TMEM43: variants seen among roughly 807,000 people sequenced by gnomAD.
TMEM43 encodes transmembrane protein 43, also known as arrhythmogenic right ventricular dysplasia 5.
In TMEM43, 45 loss-of-function variants were observed where a neutral mutation model predicts 49.6. That is an observed-to-expected ratio of 0.91 (90% CI 0.71 to 1.16). The LOEUF (loss-of-function observed/expected upper bound fraction) is 1.16, where lower values mean the gene tolerates loss of function less well. Ranked by LOEUF, TMEM43 falls within the 50% of genes most tolerant of loss-of-function variation. The pLI is 0.00. For synonymous variants in TMEM43, 199 were observed against 207.8 expected (o/e 0.96, Z 0.36); for missense variants, 532 against 516.6 (o/e 1.03, Z -0.29).
At position 14,139,375 on chromosome 3, in the gene TMEM43, C is replaced by T. The variant is rs1306313771; in HGVS notation, c.1000+78C>T. 7.7e-6 allele frequency: 8 copies of T among 1,038,498 alleles called. No homozygotes were observed. The South Asian group carries it at 1.0e-4, about 13-fold the overall frequency. 64.3% of individuals were successfully genotyped at this position (1,038,498 alleles called of 1,614,324 possible). ...CTCTGCCTGTCGCATCATCTCAGCCCTTCCAGCCTGATGGGATGGCCCTTG... is the reference window on the plus strand; with the variant it reads ...CTCTGCCTGTCGCATCATCTCAGCCTTTCCAGCCTGATGGGATGGCCCTTG... On this transcript the variant is annotated intron_variant, in intron 11 of 11. Coordinates refer to ENST00000306077, the MANE Select transcript of TMEM43 (RefSeq NM_024334.3).
chr3:14,134,935 G>A (rs374498581), intron 8 of TMEM43, 44 bp downstream of exon 8: 38 of 1,613,128 alleles, frequency 2.4e-5, no homozygotes, highest in African/African-American at 5.3e-5. Flanking sequence ...GGGTCAGGGC[G>A]CTAGGATCAG....
At chr3:14,135,736 T>A in intron 9 of TMEM43, 71 bp from the exon 10 acceptor site, 16 of 1,345,542 alleles carry the variant, frequency 1.2e-5, no homozygotes, top group Non-Finnish European at 1.7e-5. Flanking sequence ...CCCGGGAGGG[T>A]GGGCCATGGC....
Position 14,130,832 on chromosome 3 carries a change from T to C in TMEM43, c.173T>C (p.Leu58Ser). The C allele has an allele frequency of 6.2e-7, 1 of 1,613,878 alleles. No individual in the cohort carries two copies. Among genetic ancestry groups the C allele is most frequent in the African/African-American group, 1.3e-5 (1 of 75,040 alleles). The stretch of plus-strand genomic sequence containing the variant: ...CCCCTTTGCTCCCAGGGCCGCGCAT[T>C]GAAGACGGCAACCTCATTGGCTGAG... ...YLIFTNEGRA[L>S]KTATSLAEGL... is the part of the protein sequence containing the mutation. The change falls in exon 3 of 12, where the codon TTG becomes TCG. Residue 58 changes from leucine to serine, a missense_variant. Physicochemically the swap from Leu to Ser is moderately radical, Grantham distance 145. Transcript: ENST00000306077.
At chr3:14,131,699 G>T in intron 4 of TMEM43, 25 bp downstream of exon 4, 3 of 1,570,980 alleles carry the variant, frequency 1.9e-6, no homozygotes, top group Non-Finnish European at 2.6e-6. Flanking sequence ...TGAAAACTCT[G>T]TTGGGGTAAA....
At chr3:14,131,740 A>T (rs1053014241) in intron 4 of TMEM43, 66 bp downstream of exon 4, 1 of 1,155,606 alleles carries the variant, frequency 8.7e-7, no homozygotes. Flanking sequence ...TCAGGATAAC[A>T]TGCAGATGTC....
At chr3:14,125,512 A>G (rs1695007011) in intron 1 of TMEM43, among the ~76,000 whole-genome samples, 5 of 151,994 alleles carry the variant, frequency 3.3e-5, no homozygotes, top group Non-Finnish European at 7.4e-5. Context: ...CCCTCCTTGC[A>G]TTCCCAGTTC....
chr3:14,133,588 G>T, intron 6 of TMEM43, 151 bp from the exon 7 acceptor site: 1 of 773,340 alleles, frequency 1.3e-6, no homozygotes, highest in Non-Finnish European at 2.3e-6. Flanking sequence ...GGGCCCCTGG[G>T]GGTGGACAGG....
In TMEM43 at chr3:14,133,641, A is replaced by AC. The variant is rs1695127733; in HGVS notation, c.513-93dup. 3 of 1,105,228 alleles carry AC rather than the reference A, an allele frequency of 2.7e-6. No individual in the cohort carries two copies. In the Admixed American group the frequency reaches 5.1e-5, roughly 19 times the overall value. 68.5% of individuals were successfully genotyped at this position (1,105,228 alleles called of 1,614,324 possible). Reference sequence around the variant, plus strand: ...CCTGGGCTAATCTGGACTTGCAGGAACCCCCGGGTGGGGACCCTGCCCAGC... The same window carrying AC: ...CCTGGGCTAATCTGGACTTGCAGGAACCCCCCGGGTGGGGACCCTGCCCAGC... On this transcript the variant is annotated intron_variant, in intron 6 of 11. Coordinates refer to ENST00000306077, the MANE Select transcript of TMEM43 (RefSeq NM_024334.3).
At chr3:14,139,578 A>ATTTGCTCATTCC (rs1325611014) in intron 11 of TMEM43, among the ~76,000 whole-genome samples, 3 of 152,104 alleles carry the variant, frequency 2.0e-5, no homozygotes, top group Non-Finnish European at 4.4e-5. Flanking sequence ...TGGCTCGATC[A>ATTTGCTCATTCC]TTTGCTCATT....
rs753740877 is a variant in TMEM43 at position 14,133,767 on chromosome 3, A to G, written c.541A>G (p.Thr181Ala). Residue 181 changes from threonine to alanine, a missense_variant, in exon 7 of 12, where the codon ACA (threonine) becomes GCA (alanine). By Grantham distance (58) the Thr-to-Ala change is moderately conservative (BLOSUM62 0). Transcript: ENST00000306077. ...SAMAVESFMA[T>A]APFVQIGRFF... The stretch of plus-strand genomic sequence containing the variant: ...CATGGCAGTGGAGTCATTCATGGCA[A>G]CAGCCCCCTTTGTCCAAATTGGCAG... The G allele has an allele frequency of 2.5e-6, 4 of 1,614,070 alleles. No individual in the cohort carries two copies. The highest frequency in any genetic ancestry group is 1.3e-5 in the African/African-American group (1 of 74,934).
In TMEM43 at chr3:14,134,794, TC is replaced by T. The variant is rs1313993263; in HGVS notation, c.609del (p.Phe203LeufsTer4). ...SSGLIDKVDN[F>X]KSLSLSKLED... ...GGCCTCATCGACAAAGTCGACAACTTCAAGTCCCTGAGCCTATCCAAGCTGG... is the reference window on the plus strand; with the variant it reads ...GGCCTCATCGACAAAGTCGACAACTTAAGTCCCTGAGCCTATCCAAGCTGG... On this transcript the variant is annotated frameshift_variant, in exon 8 of 12. Coordinates refer to ENST00000306077, the MANE Select transcript of TMEM43 (RefSeq NM_024334.3). LOFTEE classifies it high-confidence loss of function. The T allele has an allele frequency of 6.2e-7, 1 of 1,614,084 alleles. No individual in the cohort carries two copies. Among genetic ancestry groups the T allele is most frequent in the South Asian group, 1.1e-5 (1 of 91,082 alleles).
At chr3:14,128,799 A>T in intron 1 of TMEM43, 1 of 313,706 alleles carries the variant, frequency 3.2e-6, no homozygotes, top group Admixed American at 4.1e-5. Flanking sequence ...AAATGAAAGC[A>T]CATGTCTGCA....
At chr3:14,130,150 T>G (rs1245663406) in intron 2 of TMEM43, among the ~76,000 whole-genome samples, 1 of 151,960 alleles carries the variant, frequency 6.6e-6, no homozygotes, top group Non-Finnish European at 1.5e-5. Flanking sequence ...TAGGGCCTCA[T>G]GATGCAACAG....
intron 2 of TMEM43, 103 bp from the exon 3 acceptor site, chr3:14,130,719 C>A: frequency 6.9e-7 from 1 of 1,450,244 alleles, no homozygotes; most frequent in East Asian, 2.4e-5. Flanking sequence ...AGATGGGTCT[C>A]AGCGCTCCCG....
chr3:14,126,320 C>T (rs112461777), intron 1 of TMEM43, among the ~76,000 whole-genome samples: 1 of 152,180 alleles, frequency 6.6e-6, no homozygotes, highest in Non-Finnish European at 1.5e-5. Flanking sequence ...GTCAGGAGAC[C>T]AGCCTGTCTG....
intron 1 of TMEM43, among the ~76,000 whole-genome samples, chr3:14,126,289 G>C (rs1238705252): frequency 6.6e-6 from 1 of 152,218 alleles, no homozygotes; most frequent in Non-Finnish European, 1.5e-5. Context: ...AGAGACTCAG[G>C]CTCGGCCAGG....
chr3:14,139,533 G>T (rs1574941318), intron 11 of TMEM43, among the ~76,000 whole-genome samples: 1 of 152,328 alleles, frequency 6.6e-6, no homozygotes, highest in East Asian at 1.9e-4. Context: ...TGGGGCACTG[G>T]TCTCACTCCA....
intron 9 of TMEM43, among the ~76,000 whole-genome samples, chr3:14,135,585 G>A (rs564344055): frequency 3.3e-5 from 5 of 152,310 alleles, no homozygotes; most frequent in South Asian, 4.1e-4. Context: ...CCTGCTCTGC[G>A]CACTGCCCAA....
chr3:14,126,650 G>C (rs921779847), intron 1 of TMEM43, among the ~76,000 whole-genome samples: 29 of 152,222 alleles, frequency 1.9e-4, no homozygotes, highest in Admixed American at 1.8e-3. Context: ...AAACAAGCCT[G>C]TCCTTGCAGG....
Sources: allele counts gnomAD v4.1 joint callset (sites outside exome capture counted in the v4.1 genomes callset), GRCh38; gene constraint gnomAD v4.1.1; transcripts MANE v1.5; gene names NCBI Gene and HGNC (gene_info 2026-07-23, HGNC 2026-07-21).